C17orf67: variants seen among roughly 807,000 people sequenced by gnomAD.
The protein encoded by C17orf67 is uncharacterized protein C17orf67.
A neutral mutation model predicts 11.2 loss-of-function variants in C17orf67; 12 were observed. That is an observed-to-expected ratio of 1.07 (90% CI 0.68 to 1.73). C17orf67 has a LOEUF of 1.73. Among genes scored for constraint, C17orf67 ranks in the 40% most tolerant of loss-of-function variants. The pLI is 0.00. For synonymous variants in C17orf67, 59 were observed against 46.9 expected, an observed-to-expected ratio of 1.26 and a Z score of -1.05; for missense variants, 115 against 113.5, an observed-to-expected ratio of 1.01 and a Z score of -0.06.
intron 4 of C17orf67, among the ~76,000 whole-genome samples, chr17:56,818,547 T>C (rs1042212409): frequency 6.6e-6 from 1 of 152,158 alleles, no homozygotes; most frequent in African/African-American, 2.4e-5. Flanking sequence ...TTTTTTTAAA[T>C]TTTGCAACTT....
At chr17:56,827,766 C>A (rs987963037) in intron 2 of C17orf67, among the ~76,000 whole-genome samples, 1 of 152,218 alleles carries the variant, frequency 6.6e-6, no homozygotes, top group African/African-American at 2.4e-5. Flanking sequence ...ACTGGTGTGT[C>A]CACACCTCAC....
intron 4 of C17orf67, among the ~76,000 whole-genome samples, chr17:56,822,741 G>A (rs573140428): frequency 2.6e-5 from 4 of 152,302 alleles, no homozygotes; most frequent in African/African-American, 7.2e-5. Context: ...AAGAAAATAT[G>A]GTTCATTTCT....
At chr17:56,833,428 G>A (rs1371479249) in intron 1 of C17orf67, 86 bp from the exon 2 acceptor site, 3 of 151,924 alleles carry the variant, frequency 2.0e-5, no homozygotes, top group Non-Finnish European at 2.9e-5. Flanking sequence ...CTCGGGCGCT[G>A]GCGGGCGCGG....
chr17:56,808,461 T>C (rs1905510101), intron 6 of C17orf67, among the ~76,000 whole-genome samples: 2 of 152,066 alleles, frequency 1.3e-5, no homozygotes, highest in South Asian at 4.1e-4. Flanking sequence ...TCAAAATCCC[T>C]CCTTCTCTCT....
rs1161601216 is a variant in C17orf67, at chr17:56,815,802, T to A, written c.9A>T (p.Thr3=). The A allele has an allele frequency of 1.9e-6, 3 of 1,613,892 alleles. No individual in the cohort carries two copies. The Admixed American group carries it at 5.0e-5, about 27-fold the overall frequency. The change falls in exon 5 of 8, where the codon ACA becomes ACT. Residue 3 remains threonine (T), a synonymous_variant. Coordinates refer to ENST00000397861, the MANE Select transcript of C17orf67 (RefSeq NM_001085430.4). MK[T]LPVLVLSLTL... ...TAAGAGACAGCACGAGCACAGGCAA[T>A]GTCTTCATCCTGCCTTGGTTCCTCT...
rs1430750385 is a variant in C17orf67 at position 56,799,452 on chromosome 17, A to G, written c.157-4272T>C. ...GGTTGAATAATATTCCATTGTCTGC[A>G]TGTATCATAGTTTATTTATTCATTC... On this transcript the variant is annotated intron_variant, in intron 6 of 7. Coordinates refer to ENST00000397861, the MANE Select transcript of C17orf67 (RefSeq NM_001085430.4). 2.0e-5 allele frequency among the ~76,000 whole-genome samples: 3 copies of G among 152,350 alleles called. No individual in the cohort carries two copies. In the East Asian group the frequency reaches 5.8e-4, roughly 29 times the overall value.
intron 4 of C17orf67, among the ~76,000 whole-genome samples, chr17:56,823,977 G>A (rs981629917): frequency 2.6e-5 from 4 of 152,228 alleles, no homozygotes; most frequent in South Asian, 2.1e-4. Flanking sequence ...GCTGCCTGTT[G>A]AGCCTGATAC....
In C17orf67 at chr17:56,815,755, C is replaced by G. The variant is rs867122986; in HGVS notation, c.55+1G>C. The G allele has an allele frequency of 6.2e-7, 1 of 1,609,468 alleles. No homozygotes were observed. The highest frequency in any genetic ancestry group is 8.5e-7 in the Non-Finnish European group (1 of 1,176,820). On this transcript the variant is annotated splice_donor_variant, in intron 5 of 7. Transcript: ENST00000397861. LOFTEE classifies it high-confidence loss of function. The stretch of plus-strand genomic sequence containing the variant: ...AGGCTGTTTTTGGAGTCAGTGCCCA[C>G]CTGAGAAGACAGTCAGTAAGGTAAG...
intron 2 of C17orf67, among the ~76,000 whole-genome samples, chr17:56,826,102 G>A (rs972273227): frequency 1.3e-5 from 2 of 151,942 alleles, no homozygotes; most frequent in Admixed American, 1.3e-4. Context: ...TTACAGGCAC[G>A]CACCACCACA....
intron 6 of C17orf67, among the ~76,000 whole-genome samples, chr17:56,810,048 AC>A (rs1905572446): frequency 2.1e-5 from 2 of 93,672 alleles, no homozygotes; most frequent in African/African-American, 8.5e-5. Context: ...CCTCACACAC[AC>A]CCCTCACACA....
intron 6 of C17orf67, among the ~76,000 whole-genome samples, chr17:56,805,363 C>G (rs1376901865): frequency 6.6e-6 from 1 of 152,176 alleles, no homozygotes; most frequent in East Asian, 1.9e-4. Flanking sequence ...CATGGATTTC[C>G]ACTGCCAATG....
At chr17:56,796,794 C>T (rs973868) in intron 6 of C17orf67, among the ~76,000 whole-genome samples, 20,475 of 151,498 alleles carry the variant, frequency 0.14, 1,473 homozygotes, top group South Asian at 0.16. Context: ...CCCACCCCTG[C>T]GTGTTGCATT....
intron 4 of C17orf67, 49 bp from the exon 5 acceptor site, chr17:56,816,059 C>T (rs1905755185): frequency 7.1e-6 from 4 of 565,082 alleles, no homozygotes; most frequent in Non-Finnish European, 1.1e-5. Flanking sequence ...GAGCTTGAAT[C>T]TGAAAAAGCA....
At chr17:56,805,911 G>T (rs1260777976) in intron 6 of C17orf67, among the ~76,000 whole-genome samples, 1 of 146,338 alleles carries the variant, frequency 6.8e-6, no homozygotes, top group Non-Finnish European at 1.5e-5. Flanking sequence ...AGACTAAAAA[G>T]AAATACATTT....
intron 6 of C17orf67, among the ~76,000 whole-genome samples, chr17:56,802,794 T>G (rs1034361282): frequency 6.6e-6 from 1 of 152,256 alleles, no homozygotes; most frequent in African/African-American, 2.4e-5. Context: ...AAAGGCTTGT[T>G]GAAGAAAAGA....
chr17:56,808,071 T>G (rs1460031479), intron 6 of C17orf67, among the ~76,000 whole-genome samples: 5 of 152,136 alleles, frequency 3.3e-5, no homozygotes, highest in Non-Finnish European at 5.9e-5. Context: ...CCAAAATCTC[T>G]GAAAATGTGG....
At chr17:56,792,530 G>A (rs1228579324) in intron 7 of C17orf67, among the ~76,000 whole-genome samples, 178 bp from the exon 8 acceptor site, 1 of 151,544 alleles carries the variant, frequency 6.6e-6, no homozygotes. Context: ...TGGTGGTGGT[G>A]GTGGTGGTGG....
intron 4 of C17orf67, among the ~76,000 whole-genome samples, chr17:56,820,601 A>AT (rs948221887): frequency 2.0e-5 from 3 of 151,970 alleles, no homozygotes; most frequent in Non-Finnish European, 4.4e-5. Flanking sequence ...GCTGGAATCA[A>AT]TTTTTTTTCT....
In C17orf67 at chr17:56,833,031, G is replaced by C. The variant is rs1906273770; in HGVS notation, c.-690C>G. 6.6e-6 allele frequency: 1 copy of C among 152,206 alleles called. No individual in the cohort carries two copies. Among genetic ancestry groups the C allele is most frequent in the African/African-American group, 2.4e-5 (1 of 41,418 alleles). 9.4% of individuals were successfully genotyped at this position (152,206 alleles called of 1,614,324 possible). On this transcript the variant is annotated 5_prime_UTR_variant, in exon 2 of 8. Transcript: ENST00000397861. Reference sequence around the variant, plus strand: ...TTCTTTTCTGTTCCTTTGGTCCCTTGCTTCGGTGTGTGTTTTCTTTCCATC... The same window carrying C: ...TTCTTTTCTGTTCCTTTGGTCCCTTCCTTCGGTGTGTGTTTTCTTTCCATC...
Sources: allele counts gnomAD v4.1 joint callset (sites outside exome capture counted in the v4.1 genomes callset), GRCh38; gene constraint gnomAD v4.1.1; transcripts MANE v1.5; gene names NCBI Gene and HGNC (gene_info 2026-07-23, HGNC 2026-07-21).